Variants in LUC7L2 observed in about 807,000 individuals in gnomAD.
LUC7L2 encodes the protein putative RNA-binding protein Luc7-like 2.
In LUC7L2, 25 loss-of-function variants were observed where a neutral mutation model predicts 52.8. The ratio of observed to expected loss-of-function variants is 0.47; its 90% CI spans 0.34 to 0.66. LUC7L2 has a LOEUF of 0.66. Ranked by LOEUF, LUC7L2 falls within the 30% of genes least tolerant of loss-of-function variation. The pLI is 0.01. For synonymous variants in LUC7L2, 144 were observed against 160.9 expected, an observed-to-expected ratio of 0.89 and a Z score of 0.80; for missense variants, 328 against 497.8, an observed-to-expected ratio of 0.66 and a Z score of 3.25.
intron 5 of LUC7L2, 129 bp from the exon 6 acceptor site, chr7:139,407,045 A>G: frequency 2.3e-6 from 1 of 443,456 alleles, no homozygotes; most frequent in Non-Finnish European, 2.9e-6. Context: ...CGCCCCAGTG[A>G]GCCACCGTGC....
intron 1 of LUC7L2, chr7:139,375,330 A>T: frequency 6.1e-6 from 6 of 985,438 alleles, no homozygotes; most frequent in Non-Finnish European, 7.2e-6. Context: ...AAATATACCC[A>T]GTTTGGCAGT....
intron 1 of LUC7L2, 117 bp downstream of exon 1, chr7:139,360,439 T>C (rs2131174683): frequency 2.3e-6 from 2 of 874,282 alleles, no homozygotes; most frequent in South Asian, 1.6e-5. Context: ...CCCAGATTGG[T>C]AACACGAGGT....
upstream of LUC7L2, among the ~76,000 whole-genome samples, chr7:139,357,299 A>G (rs915510982): frequency 3.9e-5 from 6 of 152,224 alleles, no homozygotes; most frequent in African/African-American, 1.4e-4. Context: ...TTACATGAAT[A>G]TAAATCATCA....
At chr7:139,342,624 G>A (rs976619617) in intron 1 of LUC7L2, among the ~76,000 whole-genome samples, 1 of 152,114 alleles carries the variant, frequency 6.6e-6, no homozygotes, top group Admixed American at 6.6e-5. Context: ...CACCACGCCC[G>A]GCTAATTTTG....
intron 1 of LUC7L2, 138 bp from the exon 2 acceptor site, chr7:139,375,924 A>C (rs756626548): frequency 3.5e-5 from 27 of 773,844 alleles, no homozygotes; most frequent in Non-Finnish European, 5.4e-5. Flanking sequence ...TATAGGATGT[A>C]TATAAAAACT....
At chr7:139,378,566 C>A (rs181122135) in intron 2 of LUC7L2, among the ~76,000 whole-genome samples, 1,857 of 135,482 alleles carry the variant, frequency 0.014, 25 homozygotes, top group Non-Finnish European at 0.019. Flanking sequence ...CAGAGTGAGA[C>A]CCTGCCTCAA....
In LUC7L2 at chr7:139,422,593, ATTCT is replaced by A; in HGVS notation, c.*257_*260del. The A allele has an allele frequency of 2.7e-6, 2 of 748,434 alleles. No homozygotes were observed. The highest frequency in any genetic ancestry group is 1.8e-6 in the Non-Finnish European group (1 of 545,164). 46.4% of individuals were successfully genotyped at this position (748,434 alleles called of 1,614,324 possible). A position where few individuals can be genotyped will look rare whatever the true frequency, so the allele number is the denominator to read the frequency against. On this transcript the variant is annotated 3_prime_UTR_variant, in exon 10 of 10. Coordinates refer to ENST00000354926, the MANE Select transcript of LUC7L2 (RefSeq NM_016019.5). ...TATATAATAAGATGCTGATCTCTTT[ATTCT>A]TTCAAGTAAGAGTGCTAGTGAACAA... is the stretch of plus-strand genomic sequence containing the variant.
At chr7:139,359,751 G>A (rs922996494), upstream of LUC7L2, 3 of 400,588 alleles carry the variant, frequency 7.5e-6, no homozygotes, top group African/African-American at 2.1e-5. Flanking sequence ...GAGATCCGGG[G>A]TAAAGGGGCG....
intron 3 of LUC7L2, 29 bp downstream of exon 3, chr7:139,398,726 GTTATC>G (rs1794768481): frequency 6.3e-7 from 1 of 1,592,256 alleles, no homozygotes; most frequent in East Asian, 2.3e-5. Context: ...ATGGTTTGTT[GTTATC>G]TTTTGCTGTA....
intron 1 of LUC7L2, among the ~76,000 whole-genome samples, chr7:139,361,414 TTTTAA>T (rs1322789696): frequency 6.6e-6 from 1 of 152,290 alleles, no homozygotes; most frequent in African/African-American, 2.4e-5. Flanking sequence ...TAAGTTACTC[TTTTAA>T]TTTACATGAG....
chr7:139,394,137 G>C (rs1399327686), intron 2 of LUC7L2, among the ~76,000 whole-genome samples: 1 of 152,144 alleles, frequency 6.6e-6, no homozygotes, highest in Admixed American at 6.5e-5. Flanking sequence ...TCCAAGGAGA[G>C]GCTAAGAAGA....
Position 139,398,672 on chromosome 7 carries a change from A to T in LUC7L2, c.230A>T (p.Glu77Val). 2 of 1,612,142 alleles carry T rather than the reference A, an allele frequency of 1.2e-6. No individual in the cohort carries two copies. Among genetic ancestry groups the T allele is most frequent in the Non-Finnish European group, 1.7e-6 (2 of 1,179,380 alleles). The change falls in exon 3 of 10, where the codon GAA (glutamate) becomes GTA (valine). Residue 77 changes from glutamate to valine, a missense_variant. Coordinates refer to ENST00000354926, the MANE Select transcript of LUC7L2 (RefSeq NM_016019.5). ...GCGGATTATGAAATTGCATCCAAAG[A>T]ACAAGATTTTTTCTTTGAACTTGAT... ...LRADYEIASK[E>V]QDFFFELDAM...
intron 2 of LUC7L2, among the ~76,000 whole-genome samples, chr7:139,382,925 C>T (rs1278524610): frequency 1.3e-5 from 2 of 151,676 alleles, no homozygotes; most frequent in Non-Finnish European, 2.9e-5. Context: ...TTAAAAACTG[C>T]TGAAGTATCT....
intron 1 of LUC7L2, chr7:139,374,361 T>C (rs1800604715): frequency 1.4e-6 from 2 of 1,466,006 alleles, no homozygotes; most frequent in Admixed American, 2.0e-5. Flanking sequence ...GTTTATTCTA[T>C]ACAAAATGAA....
chr7:139,371,217 C>G (rs1800434681), intron 1 of LUC7L2, among the ~76,000 whole-genome samples: 1 of 152,184 alleles, frequency 6.6e-6, no homozygotes, highest in South Asian at 2.1e-4. Flanking sequence ...CTAAGCTAAG[C>G]TCTAAGCTAA....
chr7:139,374,442 G>A, intron 1 of LUC7L2: 1 of 1,550,970 alleles, frequency 6.4e-7, no homozygotes, highest in Non-Finnish European at 8.7e-7. Flanking sequence ...CTGCAAGGGA[G>A]TGTCAGAAAG....
intron 2 of LUC7L2, among the ~76,000 whole-genome samples, chr7:139,398,238 G>C (rs981737535): frequency 3.3e-5 from 5 of 152,132 alleles, no homozygotes; most frequent in African/African-American, 9.7e-5. Flanking sequence ...TCAACAATTT[G>C]ATGTATATAT....
At chr7:139,407,147 G>A (rs541210044) in intron 5 of LUC7L2, 27 bp from the exon 6 acceptor site, 1 of 1,595,200 alleles carries the variant, frequency 6.3e-7, no homozygotes. Flanking sequence ...GATTTATATG[G>A]TCATTGTTTT....
At chr7:139,411,145 A>G (rs1257025675) in intron 7 of LUC7L2, among the ~76,000 whole-genome samples, 3 of 152,210 alleles carry the variant, frequency 2.0e-5, no homozygotes, top group East Asian at 1.9e-4. Context: ...TTGCAGGACT[A>G]CATTTTCACA....
Sources: allele counts gnomAD v4.1 joint callset (sites outside exome capture counted in the v4.1 genomes callset), GRCh38; gene constraint gnomAD v4.1.1; transcripts MANE v1.5; gene names NCBI Gene and HGNC (gene_info 2026-07-23, HGNC 2026-07-21).